Variants in MRM1 observed in about 807,000 individuals in gnomAD.
MRM1 encodes the protein mitochondrial rRNA methyltransferase 1.
Under a neutral mutation model 25.0 loss-of-function variants are expected in MRM1, and 24 were observed. That is an observed-to-expected ratio of 0.96 (90% CI 0.69 to 1.35). The LOEUF (loss-of-function observed/expected upper bound fraction) is 1.35, where lower values mean the gene tolerates loss of function less well. Among genes scored for constraint, MRM1 ranks in the 40% most tolerant of loss-of-function variants. MRM1 has a pLI of 0.00. For missense variants in MRM1, 431 were observed against 464.1 expected, an observed-to-expected ratio of 0.93 and a Z score of 0.65; for synonymous variants, 188 against 199.2, an observed-to-expected ratio of 0.94 and a Z score of 0.47.
the MRM1 span, among the ~76,000 whole-genome samples, chr17:36,616,074 C>G: frequency 6.6e-6 from 1 of 152,120 alleles, no homozygotes; most frequent in African/African-American, 2.4e-5. Flanking sequence ...ACACATAAGC[C>G]CCTCCCGCCC....
chr17:36,608,810 G>A lies in MRM1; in HGVS notation c.*395G>A. ...GTGTATGAGAATGTGGGGGGTGGAG[G>A]GCGGGGCCCTGATGTGGAGTAGACA... On this transcript the variant is annotated 3_prime_UTR_variant, in exon 5 of 5. Coordinates refer to ENST00000614766, the MANE Select transcript of MRM1 (RefSeq NM_024864.5). 1 of 183,872 alleles carries A rather than the reference G, an allele frequency of 5.4e-6. No individual in the cohort carries two copies. Among genetic ancestry groups the A allele is most frequent in the Non-Finnish European group, 1.1e-5 (1 of 89,612 alleles). The allele number at this position is 183,872 out of a possible 1,614,324, so 11.4% of individuals were successfully genotyped here.
rs745454589 is a variant in MRM1 at position 36,607,730 on chromosome 17, C to A, written c.697C>A (p.Pro233Thr). Residue 233 changes from proline to threonine, a missense_variant, in exon 3 of 5, where the codon CCC becomes ACC. By Grantham distance (38) the Pro-to-Thr change is conservative (BLOSUM62 -1). Transcript: ENST00000614766. The part of the protein sequence containing the change: ...GTVGCPSTED[P>T]QSSEIPIMSC... Reference sequence around the variant, plus strand: ...GGTGGGCTGCCCAAGCACAGAGGATCCCCAGTCCTCCGAGATCCCCATCAT... The same window carrying A: ...GGTGGGCTGCCCAAGCACAGAGGATACCCAGTCCTCCGAGATCCCCATCAT... 1.9e-6 allele frequency: 3 copies of A among 1,614,180 alleles called. No individual in the cohort carries two copies. In the South Asian group the frequency reaches 3.3e-5, roughly 18 times the overall value.
At chr17:36,633,453 C>T in the MRM1 span, among the ~76,000 whole-genome samples, 1 of 152,234 alleles carries the variant, frequency 6.6e-6, no homozygotes, top group Middle Eastern at 3.4e-3. Flanking sequence ...CGGCTCACAC[C>T]CTCTTCCTTC....
intron 2 of MRM1, among the ~76,000 whole-genome samples, chr17:36,604,405 A>G (rs191882859): frequency 1.0e-3 from 155 of 152,250 alleles, no homozygotes; most frequent in African/African-American, 3.4e-3. Flanking sequence ...CTGCTTCACC[A>G]TGTCCTCTCT....
intron 2 of MRM1, among the ~76,000 whole-genome samples, chr17:36,606,682 A>G (rs1196594006): frequency 6.7e-6 from 1 of 148,700 alleles, no homozygotes; most frequent in East Asian, 2.0e-4. Flanking sequence ...CTCTCAGCTC[A>G]CTGCAACCTC....
chr17:36,618,421 GGA>G, the MRM1 span, among the ~76,000 whole-genome samples: 1 of 152,246 alleles, frequency 6.6e-6, no homozygotes, highest in Admixed American at 6.5e-5. Flanking sequence ...CGTGGTTGGG[GGA>G]GGGCACAATT....
the MRM1 span, among the ~76,000 whole-genome samples, chr17:36,631,031 T>G: frequency 2.1e-4 from 32 of 152,334 alleles, no homozygotes; most frequent in Admixed American, 2.1e-3. Flanking sequence ...ATCTGTAAGA[T>G]GGGAATAATA....
rs142997735 is a variant in MRM1, at chr17:36,602,559, G to A, written c.549G>A (p.Pro183=). Residue 183 remains proline (P), a synonymous_variant, in exon 2 of 5, where the codon CCG becomes CCA. Transcript: ENST00000614766. This position sits in a 1 kb window ranked among gnomAD's most constrained non-coding sequence, Gnocchi z 4.1. ...GAACGGGGAAACCTTGCAGCTGCCCGCTCACTCCAGTAGTCAGCAAGTCCA... is the reference window on the plus strand; with the variant it reads ...GAACGGGGAAACCTTGCAGCTGCCCACTCACTCCAGTAGTCAGCAAGTCCA... The part of the protein sequence containing the change: ...KVITSRRNSC[P]LTPVVSKSSA... 3.8e-5 allele frequency: 61 copies of A among 1,614,194 alleles called. 1 individual carries two copies. In the African/African-American group the frequency reaches 7.6e-4, roughly 20 times the overall value.
At chr17:36,606,826 G>A (rs1386959187) in intron 2 of MRM1, among the ~76,000 whole-genome samples, 3 of 151,852 alleles carry the variant, frequency 2.0e-5, no homozygotes, top group Non-Finnish European at 4.4e-5. Flanking sequence ...AGCCAGGGTG[G>A]TCTCAAACTC....
downstream of MRM1, among the ~76,000 whole-genome samples, chr17:36,610,107 TG>T (rs1050853261): frequency 1.3e-5 from 2 of 151,828 alleles, no homozygotes; most frequent in Admixed American, 1.3e-4. Flanking sequence ...ATTTTTTTTT[TG>T]GTAGAGATGG....
At chr17:36,606,845 A>G (rs1043273320) in intron 2 of MRM1, among the ~76,000 whole-genome samples, 2 of 151,364 alleles carry the variant, frequency 1.3e-5, no homozygotes, top group African/African-American at 2.4e-5. Flanking sequence ...TCCTGACCTC[A>G]GGTGATCCGC....
At chr17:36,629,674 G>A in the MRM1 span, among the ~76,000 whole-genome samples, 2 of 152,092 alleles carry the variant, frequency 1.3e-5, no homozygotes, top group African/African-American at 4.8e-5. Flanking sequence ...GGCTGAAAGC[G>A]GGGCAGTGGG....
chr17:36,608,793 G>T lies in MRM1; in HGVS notation c.*378G>T. 1 of 177,708 alleles carries T rather than the reference G, an allele frequency of 5.6e-6. No individual in the cohort carries two copies. 11.0% of individuals were successfully genotyped at this position (177,708 alleles called of 1,614,324 possible). A position where few individuals can be genotyped will look rare whatever the true frequency, so the allele number is the denominator to read the frequency against. On this transcript the variant is annotated 3_prime_UTR_variant, in exon 5 of 5. Coordinates refer to ENST00000614766, the MANE Select transcript of MRM1 (RefSeq NM_024864.5). The stretch of plus-strand genomic sequence containing the variant: ...TTGCCTGTGGCAAATGTGTGTATGA[G>T]AATGTGGGGGGTGGAGGGCGGGGCC...
chr17:36,610,841 T>G (rs184891870), downstream of MRM1, among the ~76,000 whole-genome samples: 1 of 152,046 alleles, frequency 6.6e-6, no homozygotes. Flanking sequence ...TGAGACGGAG[T>G]CTTGCTCTGT....
chr17:36,602,916 A>G lies in MRM1; in HGVS notation c.636+270A>G. On this transcript the variant is annotated intron_variant, in intron 2 of 4. Transcript: ENST00000614766. This position sits in a 1 kb window ranked among gnomAD's most constrained non-coding sequence, Gnocchi z 4.1. ...CTTCTGTAAGTCAGCCTCAGTGTCTATTTGCCTACTAGGTCGGGCTTCAGT... is the reference window on the plus strand; with the variant it reads ...CTTCTGTAAGTCAGCCTCAGTGTCTGTTTGCCTACTAGGTCGGGCTTCAGT... The G allele has an allele frequency of 2.0e-6, 2 of 985,074 alleles. No homozygotes were observed. Among genetic ancestry groups the G allele is most frequent in the Non-Finnish European group, 2.4e-6 (2 of 829,714 alleles). The allele number at this position is 985,074 out of a possible 1,614,324, so 61.0% of individuals were successfully genotyped here. A position where few individuals can be genotyped will look rare whatever the true frequency, so the allele number is the denominator to read the frequency against.
chr17:36,601,697 C>A lies in MRM1; in HGVS notation c.-114C>A. On this transcript the variant is annotated 5_prime_UTR_variant, in exon 1 of 5. Transcript: ENST00000614766. ...CCTGTCCGAGAGAGCTCGGCGGAGA[C>A]GGCTGTCGAGTACCCTTCACCTCGG... 8.9e-7 allele frequency: 1 copy of A among 1,127,178 alleles called. No individual in the cohort carries two copies. The highest frequency in any genetic ancestry group is 1.2e-6 in the Non-Finnish European group (1 of 817,824). 69.8% of individuals were successfully genotyped at this position (1,127,178 alleles called of 1,614,324 possible).
At chr17:36,603,132 A>G (rs2074895673) in intron 2 of MRM1, 1 of 985,230 alleles carries the variant, frequency 1.0e-6, no homozygotes, top group South Asian at 4.7e-5. Context: ...ACAAGGAGGC[A>G]GTATTGCTCT....
At chr17:36,611,173 C>T (rs992233908), downstream of MRM1, among the ~76,000 whole-genome samples, 1 of 152,208 alleles carries the variant, frequency 6.6e-6, no homozygotes, top group African/African-American at 2.4e-5. Flanking sequence ...GAATCAGTGG[C>T]CTTTGAGCCA....
the MRM1 span, among the ~76,000 whole-genome samples, chr17:36,619,734 G>A: frequency 6.6e-6 from 1 of 151,858 alleles, no homozygotes; most frequent in Non-Finnish European, 1.5e-5. Flanking sequence ...TTGCTGATCC[G>A]ATTATAATTC....
Sources: allele counts gnomAD v4.1 joint callset (sites outside exome capture counted in the v4.1 genomes callset), GRCh38; gene constraint gnomAD v4.1.1; non-coding constraint Gnocchi (gnomAD v3.1); transcripts MANE v1.5; gene names NCBI Gene and HGNC (gene_info 2026-07-23, HGNC 2026-07-21).